Variants in RORA observed in about 807,000 individuals in gnomAD.
RORA encodes the protein nuclear receptor ROR-alpha.
In RORA, 7 loss-of-function variants were observed where a neutral mutation model predicts 69.5. The ratio of observed to expected loss-of-function variants is 0.10; its 90% CI spans 0.06 to 0.19. The LOEUF (loss-of-function observed/expected upper bound fraction) is 0.19. RORA is among the 10% of genes least tolerant of loss of function. The pLI, the probability that RORA is intolerant of heterozygous loss-of-function variation, is 1.00. For synonymous variants in RORA, 261 were observed against 240.8 expected (o/e 1.08, Z -0.78); for missense variants, 457 against 663.0 (o/e 0.69, Z 3.41).
intron 1 of RORA, among the ~76,000 whole-genome samples, chr15:61,196,536 G>A (rs142276941): frequency 1.6e-3 from 248 of 152,322 alleles, no homozygotes; most frequent in African/African-American, 5.5e-3. Context: ...CAGCACTTGC[G>A]TGATTCTCAG....
At chr15:60,745,356 G>C (rs2071632516) in intron 1 of RORA, among the ~76,000 whole-genome samples, 1 of 152,178 alleles carries the variant, frequency 6.6e-6, no homozygotes, top group South Asian at 2.1e-4. Flanking sequence ...GCATCTTCCT[G>C]TGCAAAAGTC....
chr15:61,194,867 C>T (rs1249319173), intron 1 of RORA, among the ~76,000 whole-genome samples: 3 of 151,764 alleles, frequency 2.0e-5, no homozygotes, highest in Non-Finnish European at 4.4e-5. Context: ...TCTAAGCTGG[C>T]GTTTTCACCT....
intron 1 of RORA, among the ~76,000 whole-genome samples, chr15:60,880,500 G>A (rs984045064): frequency 2.0e-5 from 3 of 152,122 alleles, no homozygotes; most frequent in East Asian, 1.9e-4. Flanking sequence ...TTAGCTGGGC[G>A]TGGTGGTGGG....
chr15:60,898,034 A>G (rs1891277046), intron 1 of RORA, among the ~76,000 whole-genome samples: 1 of 152,232 alleles, frequency 6.6e-6, no homozygotes. Context: ...AAAAAACTGT[A>G]AGATTAGGAA....
At chr15:60,968,330 C>A (rs1157270095) in intron 1 of RORA, among the ~76,000 whole-genome samples, 2 of 152,192 alleles carry the variant, frequency 1.3e-5, no homozygotes, top group African/African-American at 4.8e-5. Flanking sequence ...ACGCATGCAC[C>A]AAAACCTTGG....
chr15:60,935,650 G>A (rs186685258), intron 1 of RORA, among the ~76,000 whole-genome samples: 6 of 152,222 alleles, frequency 3.9e-5, no homozygotes, highest in South Asian at 2.1e-4. Flanking sequence ...TATGTTTCCC[G>A]CCTTTTGCTT....
intron 2 of RORA, among the ~76,000 whole-genome samples, chr15:60,639,219 A>ATTTTT (rs71122868): frequency 7.6e-5 from 10 of 131,328 alleles, no homozygotes; most frequent in South Asian, 2.5e-4. Flanking sequence ...AGGTTTTTGT[A>ATTTTT]TTTTTTTTTT....
chr15:60,642,149 G>C (rs1369850360), intron 2 of RORA, among the ~76,000 whole-genome samples: 1 of 152,100 alleles, frequency 6.6e-6, no homozygotes, highest in Non-Finnish European at 1.5e-5. Flanking sequence ...CTCTGTGCAC[G>C]TGAGACCACT....
intron 1 of RORA, among the ~76,000 whole-genome samples, chr15:60,699,061 AGTTT>A (rs936240584): frequency 6.6e-6 from 1 of 151,882 alleles, no homozygotes; most frequent in African/African-American, 2.4e-5. Context: ...AATTTTGTTT[AGTTT>A]GTTTCTTGTA....
intron 1 of RORA, among the ~76,000 whole-genome samples, chr15:61,118,759 T>A (rs955004426): frequency 1.3e-5 from 2 of 151,358 alleles, no homozygotes; most frequent in Non-Finnish European, 2.9e-5. Context: ...GAGGAATGAT[T>A]TTTTTTTTCC....
At chr15:60,845,311 C>A (rs1264587070) in intron 1 of RORA, among the ~76,000 whole-genome samples, 1 of 152,158 alleles carries the variant, frequency 6.6e-6, no homozygotes, top group East Asian at 1.9e-4. Context: ...TCACGGTATT[C>A]TGATGTAGTT....
chr15:60,786,303 G>T (rs1271195634), intron 1 of RORA, among the ~76,000 whole-genome samples: 1 of 152,176 alleles, frequency 6.6e-6, no homozygotes, highest in Non-Finnish European at 1.5e-5. Flanking sequence ...TTGTTGAAAG[G>T]TCAGGGGATA....
intron 1 of RORA, among the ~76,000 whole-genome samples, chr15:61,186,978 T>C (rs2079749652): frequency 6.6e-6 from 1 of 152,228 alleles, no homozygotes; most frequent in Non-Finnish European, 1.5e-5. Context: ...GAGGTGATTG[T>C]ATCTGGAGAG....
intron 5 of RORA, among the ~76,000 whole-genome samples, chr15:60,506,312 A>C (rs8036193): frequency 0.053 from 8,130 of 152,180 alleles, 752 homozygotes; most frequent in African/African-American, 0.19. Flanking sequence ...ATGAGAATTA[A>C]AAGAGTTGAG....
chr15:61,066,169 T>C (rs1479145930), intron 1 of RORA, among the ~76,000 whole-genome samples: 1 of 152,322 alleles, frequency 6.6e-6, no homozygotes, highest in African/African-American at 2.4e-5. Flanking sequence ...CATTTTCACC[T>C]ATCACTCATC....
At chr15:61,018,540 A>ACAGG (rs1428712873) in intron 1 of RORA, among the ~76,000 whole-genome samples, 1 of 152,204 alleles carries the variant, frequency 6.6e-6, no homozygotes, top group Non-Finnish European at 1.5e-5. Context: ...CTCCACATGC[A>ACAGG]CAGGCATATA....
At chr15:61,022,504 C>T (rs1895580421) in intron 1 of RORA, among the ~76,000 whole-genome samples, 1 of 152,102 alleles carries the variant, frequency 6.6e-6, no homozygotes, top group African/African-American at 2.4e-5. Flanking sequence ...AGAGTGCCAT[C>T]TTTGTTTTCA....
At chr15:60,735,269 T>C (rs1382041188) in intron 1 of RORA, among the ~76,000 whole-genome samples, 1 of 152,206 alleles carries the variant, frequency 6.6e-6, no homozygotes, top group East Asian at 1.9e-4. Flanking sequence ...TGACAAGACA[T>C]ACTGAACAAA....
chr15:61,040,166 A>AT (rs1896691010), intron 1 of RORA, among the ~76,000 whole-genome samples: 1 of 117,328 alleles, frequency 8.5e-6, no homozygotes, highest in African/African-American at 3.2e-5. Context: ...ATATATATAA[A>AT]ATATATGAAA....
Sources: allele counts gnomAD v4.1 joint callset (sites outside exome capture counted in the v4.1 genomes callset), GRCh38; gene constraint gnomAD v4.1.1; transcripts MANE v1.5; gene names NCBI Gene and HGNC (gene_info 2026-07-23, HGNC 2026-07-21).